Variants in HSPA4 observed in about 807,000 individuals in gnomAD.
HSPA4 encodes the protein heat shock protein family A (Hsp70) member 4, also known as heat shock 70 kDa protein 4.
In HSPA4, 25 loss-of-function variants were observed where a neutral mutation model predicts 106.2. That is an observed-to-expected ratio of 0.24 (90% confidence interval 0.17 to 0.33). HSPA4 has a LOEUF of 0.33. HSPA4 is among the 10% of genes least tolerant of loss of function. The probability of loss-of-function intolerance (pLI) is 1.00; values close to 1 mark genes in which losing one functional copy is unlikely to be tolerated. For synonymous variants in HSPA4, 332 were observed against 333.6 expected (o/e 1.00, Z 0.05); for missense variants, 841 against 996.0 (o/e 0.84, Z 2.10).
intron 13 of HSPA4, 99 bp from the exon 14 acceptor site, chr5:133,095,999 C>A (rs1052899246): frequency 2.1e-6 from 2 of 951,552 alleles, no homozygotes; most frequent in African/African-American, 1.7e-5. Context: ...CAAAAGAGAA[C>A]GAAGTAAAAA....
In HSPA4 at chr5:133,081,245, G is replaced by A. The variant is rs955636924; in HGVS notation, c.908+4347G>A. On this transcript the variant is annotated intron_variant, in intron 7 of 18. Transcript: ENST00000304858. ...GTATTTTTAGTAGAGATGGGGTTTCGCCATGTTGGCCATGCTGGTCTTGAA... is the reference window on the plus strand; with the variant it reads ...GTATTTTTAGTAGAGATGGGGTTTCACCATGTTGGCCATGCTGGTCTTGAA... 5.3e-5 allele frequency among the ~76,000 whole-genome samples: 8 copies of A among 152,152 alleles called. 1 individual carries two copies. The highest frequency in any genetic ancestry group is 6.5e-5 in the Admixed American group (1 of 15,278).
chr5:133,074,968 G>A (rs953720137), intron 6 of HSPA4, among the ~76,000 whole-genome samples: 3 of 152,156 alleles, frequency 2.0e-5, no homozygotes, highest in Non-Finnish European at 2.9e-5. Context: ...TTGGTGCCAA[G>A]GTCTGAATTG....
intron 6 of HSPA4, among the ~76,000 whole-genome samples, chr5:133,074,465 A>G (rs1389825440): frequency 1.3e-5 from 2 of 151,900 alleles, no homozygotes; most frequent in Admixed American, 1.3e-4. Context: ...TTTAGTAGAG[A>G]CGGGGTTTAT....
intron 1 of HSPA4, among the ~76,000 whole-genome samples, chr5:133,058,763 T>TG (rs1054193790): frequency 4.0e-5 from 6 of 149,988 alleles, no homozygotes; most frequent in African/African-American, 1.2e-4. Context: ...GAGGCCGAGG[T>TG]GGGGGGATCA....
intron 17 of HSPA4, among the ~76,000 whole-genome samples, chr5:133,103,008 A>G (rs113616570): frequency 0.02 from 2,895 of 147,868 alleles, 92 homozygotes; most frequent in African/African-American, 0.066. Context: ...CAACCTCCCA[A>G]AGTGCTAGGA....
intron 15 of HSPA4, 109 bp downstream of exon 15, chr5:133,097,395 G>A: frequency 3.0e-6 from 3 of 983,794 alleles, no homozygotes; most frequent in Non-Finnish European, 4.3e-6. Flanking sequence ...TATTAAAAAT[G>A]GAGTTTTTCT....
chr5:133,067,898 T>G (rs930640325), intron 3 of HSPA4, among the ~76,000 whole-genome samples: 1 of 151,572 alleles, frequency 6.6e-6, no homozygotes, highest in African/African-American at 2.4e-5. Context: ...CACAGTTTTT[T>G]TTTTTTTTTT....
intron 12 of HSPA4, 55 bp from the exon 13 acceptor site, chr5:133,092,644 TA>T: frequency 1.8e-6 from 2 of 1,101,804 alleles, no homozygotes; most frequent in Non-Finnish European, 2.8e-6. Flanking sequence ...TGTCAATGTG[TA>T]ATGAAGGTTG....
chr5:133,069,859 C>T (rs954030309), intron 3 of HSPA4, among the ~76,000 whole-genome samples: 1 of 152,100 alleles, frequency 6.6e-6, no homozygotes, highest in African/African-American at 2.4e-5. Flanking sequence ...CTCCAAGTAT[C>T]GTGTTTGGTT....
chr5:133,086,792 C>G lies in HSPA4; in HGVS notation c.919C>G (p.Leu307Val), dbSNP rs1765583897. ...VSGTMNRGKF[L>V]EMCNDLLARV... ...TTTTGTTTTTTATAGAGGCAAATTT[C>G]TGGAGATGTGCAATGATCTCTTAGC... Residue 307 changes from leucine to valine, a missense_variant, in exon 8 of 19, where the codon CTG (leucine) becomes GTG (valine). By Grantham distance (32) the Leu-to-Val change is conservative (BLOSUM62 1). This residue lies in a region of HSPA4 where 347 missense variants were observed against 408.7 expected (regional missense o/e 0.85). Coordinates refer to ENST00000304858, the MANE Select transcript of HSPA4 (RefSeq NM_002154.4). 1.9e-6 allele frequency: 3 copies of G among 1,612,924 alleles called. No homozygotes were observed. Among genetic ancestry groups the G allele is most frequent in the Non-Finnish European group, 2.5e-6 (3 of 1,179,186 alleles).
Position 133,096,397 on chromosome 5 carries a change from A to G in HSPA4, c.1803+147A>G, listed in dbSNP as rs1765712495. 3 of 642,810 alleles carry G rather than the reference A, an allele frequency of 4.7e-6. No individual in the cohort carries two copies. In the East Asian group the frequency reaches 8.6e-5, roughly 18 times the overall value. The allele number at this position is 642,810 out of a possible 1,614,324, so 39.8% of individuals were successfully genotyped here. A position where few individuals can be genotyped will look rare whatever the true frequency, so the allele number is the denominator to read the frequency against. ...ACTTTTGTGTGGTATTGTAAGGGCAAGTTGAAGCAATAGATCCCATGTTAT... is the reference window on the plus strand; with the variant it reads ...ACTTTTGTGTGGTATTGTAAGGGCAGGTTGAAGCAATAGATCCCATGTTAT... On this transcript the variant is annotated intron_variant, in intron 14 of 18. Coordinates refer to ENST00000304858, the MANE Select transcript of HSPA4 (RefSeq NM_002154.4).
chr5:133,098,294 C>A (rs1396258611), intron 15 of HSPA4, among the ~76,000 whole-genome samples: 1 of 151,922 alleles, frequency 6.6e-6, no homozygotes, highest in Non-Finnish European at 1.5e-5. Context: ...ACCACGTTTT[C>A]TTTATTTTAT....
chr5:133,102,930 T>TTTTTTTTTTA (rs1765806659), intron 17 of HSPA4, among the ~76,000 whole-genome samples: 6 of 149,766 alleles, frequency 4.0e-5, no homozygotes, highest in South Asian at 2.1e-4. Context: ...TTTTTTTTTT[T>TTTTTTTTTTA]GAGATGGCAT....
chr5:133,073,844 A>G lies in HSPA4; in HGVS notation c.530-149A>G, dbSNP rs80048645. The G allele has an allele frequency of 9.3e-5, 44 of 470,708 alleles. No individual in the cohort carries two copies. The East Asian group carries it at 1.5e-3, about 16-fold the overall frequency. 29.2% of individuals were successfully genotyped at this position (470,708 alleles called of 1,614,324 possible). A position where few individuals can be genotyped will look rare whatever the true frequency, so the allele number is the denominator to read the frequency against. On this transcript the variant is annotated intron_variant, in intron 5 of 18. Transcript: ENST00000304858. ...TCTTGGAAGATAATCTTTTTCTTGA[A>G]TAAATTATACAGTGCTTATAAAGAA... is the stretch of plus-strand genomic sequence containing the variant.
intron 1 of HSPA4, among the ~76,000 whole-genome samples, chr5:133,055,484 A>G (rs929550881): frequency 2.6e-5 from 4 of 152,094 alleles, no homozygotes; most frequent in African/African-American, 9.7e-5. Context: ...ATATGGGTGT[A>G]ACAATCTGGA....
At chr5:133,101,037 C>T (rs969394710) in intron 16 of HSPA4, among the ~76,000 whole-genome samples, 1 of 151,996 alleles carries the variant, frequency 6.6e-6, no homozygotes, top group Non-Finnish European at 1.5e-5. Flanking sequence ...TACTCCTGGA[C>T]TCAAGCAATT....
At position 133,065,019 on chromosome 5, in the gene HSPA4, A is replaced by C; in HGVS notation, c.147A>C (p.Gly49=). ...ISFGPKNRSI[G]AAAKSQVISN... ...TTGGTCCTAAGAATCGTTCAATTGG[A>C]GCAGCAGCTAAAAGCCAGGTAAAGT... The change falls in exon 2 of 19, where the codon GGA becomes GGC. Residue 49 remains glycine, a synonymous_variant. Coordinates refer to ENST00000304858, the MANE Select transcript of HSPA4 (RefSeq NM_002154.4). 1 of 1,613,958 alleles carries C rather than the reference A, an allele frequency of 6.2e-7. No homozygotes were observed. Among genetic ancestry groups the C allele is most frequent in the South Asian group, 1.1e-5 (1 of 91,058 alleles).
chr5:133,059,545 G>A (rs760579221), intron 1 of HSPA4, among the ~76,000 whole-genome samples: 3 of 151,610 alleles, frequency 2.0e-5, no homozygotes, highest in Non-Finnish European at 2.9e-5. Flanking sequence ...CCTGGGAGGC[G>A]GAGGTTGCAG....
intron 2 of HSPA4, among the ~76,000 whole-genome samples, chr5:133,065,844 T>A (rs1056214522): frequency 2.6e-5 from 4 of 152,202 alleles, no homozygotes; most frequent in Non-Finnish European, 5.9e-5. Context: ...TCTGTTATTC[T>A]AAGTGTCTGA....
Sources: gnomAD v4.1 joint callset for allele counts (sites outside exome capture counted in the v4.1 genomes callset) on GRCh38, gnomAD v4.1.1 for gene constraint, gnomAD v4.1.1 regional missense constraint, MANE v1.5 for transcripts, NCBI Gene and HGNC (gene_info 2026-07-23, HGNC 2026-07-21) for gene names.